ITPR2: variants seen among roughly 807,000 people sequenced by gnomAD.
The protein encoded by ITPR2 is inositol 1,4,5-trisphosphate-gated calcium channel ITPR2.
Under a neutral mutation model 317.1 loss-of-function variants are expected in ITPR2, and 207 were observed. The observed-to-expected ratio is 0.65, with a 90% CI of 0.58 to 0.73. ITPR2 has a LOEUF of 0.73. ITPR2 is among the 30% of genes least tolerant of loss of function. The pLI is 0.00. For missense variants in ITPR2, 2,613 were observed against 3,284.0 expected (o/e 0.80, Z 4.99); for synonymous variants, 1,156 against 1,149.1 (o/e 1.01, Z -0.12).
chr12:26,832,788 T>C lies in ITPR2; in HGVS notation c.-7A>G. ...TGGACATTTTCTCAGTCATGCTGCT[T>C]CATGTTCCACAGTGGACGTCCCTCT... On this transcript the variant is annotated 5_prime_UTR_variant, in exon 1 of 57. Coordinates refer to ENST00000381340, the MANE Select transcript of ITPR2 (RefSeq NM_002223.4). The C allele has an allele frequency of 6.3e-7, 1 of 1,595,848 alleles. No individual in the cohort carries two copies. Among genetic ancestry groups the C allele is most frequent in the Non-Finnish European group, 8.5e-7 (1 of 1,170,210 alleles).
intron 54 of ITPR2, among the ~76,000 whole-genome samples, chr12:26,388,094 G>GCTGAGGA (rs1346562630): frequency 6.6e-6 from 1 of 152,194 alleles, no homozygotes; most frequent in Non-Finnish European, 1.5e-5. Flanking sequence ...CCGTCCACAC[G>GCTGAGGA]CTGAGGACAG....
At chr12:26,481,648 C>T (rs1425804903) in intron 42 of ITPR2, among the ~76,000 whole-genome samples, 1 of 152,178 alleles carries the variant, frequency 6.6e-6, no homozygotes, top group Admixed American at 6.5e-5. Context: ...AGACATGTGT[C>T]CCTCATACCT....
chr12:26,650,117 T>C (rs1311047272), intron 21 of ITPR2, among the ~76,000 whole-genome samples: 1 of 152,130 alleles, frequency 6.6e-6, no homozygotes, highest in East Asian at 1.9e-4. Context: ...TGGAATTCAC[T>C]AAAAAATATG....
chr12:26,509,073 C>T (rs1172081669), intron 37 of ITPR2, among the ~76,000 whole-genome samples: 1 of 152,192 alleles, frequency 6.6e-6, no homozygotes, highest in Non-Finnish European at 1.5e-5. Flanking sequence ...GACTGAAGTG[C>T]TGACACCTGC....
At chr12:26,410,023 T>C (rs1018011138) in intron 52 of ITPR2, among the ~76,000 whole-genome samples, 29 of 152,122 alleles carry the variant, frequency 1.9e-4, no homozygotes, top group African/African-American at 6.8e-4. Flanking sequence ...GTCAGCCAAA[T>C]ATGGATCAAG....
At chr12:26,552,400 G>C (rs1427579912) in intron 36 of ITPR2, among the ~76,000 whole-genome samples, 1 of 152,054 alleles carries the variant, frequency 6.6e-6, no homozygotes, top group African/African-American at 2.4e-5. Flanking sequence ...TTGTGGCCCA[G>C]GCTGGTTTCA....
intron 55 of ITPR2, among the ~76,000 whole-genome samples, chr12:26,356,752 G>A (rs997010427): frequency 3.3e-5 from 5 of 152,128 alleles, no homozygotes; most frequent in Admixed American, 2.6e-4. Context: ...TTGCTACATT[G>A]CCCAGGCTGG....
rs1937918533 is a variant in ITPR2, at chr12:26,336,428, T to C, written c.*2969A>G. The C allele has an allele frequency of 6.6e-6, 1 of 152,226 alleles. No individual in the cohort carries two copies. The highest frequency in any genetic ancestry group is 6.5e-5 in the Admixed American group (1 of 15,284). The allele number at this position is 152,226 out of a possible 1,614,324, so 9.4% of individuals were successfully genotyped here. A position where few individuals can be genotyped will look rare whatever the true frequency, so the allele number is the denominator to read the frequency against. On this transcript the variant is annotated 3_prime_UTR_variant, in exon 57 of 57. Transcript: ENST00000381340. Reference sequence around the variant, plus strand: ...TATTAACAATCTACTAGAAATTGTGTCCTCTTTACCAACAGAAAAATATTG... The same window carrying C: ...TATTAACAATCTACTAGAAATTGTGCCCTCTTTACCAACAGAAAAATATTG...
At chr12:26,582,133 G>C (rs923413520) in intron 32 of ITPR2, among the ~76,000 whole-genome samples, 5 of 152,142 alleles carry the variant, frequency 3.3e-5, no homozygotes, top group African/African-American at 1.2e-4. Context: ...AATTTTTCAA[G>C]ATGTTTTTCC....
chr12:26,498,416 A>G (rs562579755), intron 37 of ITPR2, among the ~76,000 whole-genome samples: 8 of 152,336 alleles, frequency 5.3e-5, no homozygotes, highest in Admixed American at 2.6e-4. Context: ...TCCAAAAGGA[A>G]AGGAAAAACA....
intron 32 of ITPR2, among the ~76,000 whole-genome samples, chr12:26,595,017 C>T (rs1039364507): frequency 3.3e-5 from 5 of 152,166 alleles, no homozygotes; most frequent in Non-Finnish European, 7.3e-5. Context: ...TTTGAATAGG[C>T]AACAGCGAGC....
chr12:26,818,098 A>C (rs1334142578), intron 1 of ITPR2, among the ~76,000 whole-genome samples: 1 of 152,260 alleles, frequency 6.6e-6, no homozygotes, highest in African/African-American at 2.4e-5. Flanking sequence ...AAATATGTTT[A>C]AAACTAAATA....
At chr12:26,548,692 G>C (rs1027163886) in intron 37 of ITPR2, among the ~76,000 whole-genome samples, 1 of 152,072 alleles carries the variant, frequency 6.6e-6, no homozygotes, top group Non-Finnish European at 1.5e-5. Flanking sequence ...TGCATAAATG[G>C]GGACCCTTGG....
At chr12:26,556,772 T>TAA (rs762624049) in intron 35 of ITPR2, among the ~76,000 whole-genome samples, 1 of 94,648 alleles carries the variant, frequency 1.1e-5, no homozygotes. Context: ...GGGAACAGCT[T>TAA]AAAAAAAAAA....
intron 21 of ITPR2, among the ~76,000 whole-genome samples, chr12:26,653,236 T>C (rs1947295096): frequency 7.0e-6 from 1 of 143,758 alleles, no homozygotes; most frequent in Non-Finnish European, 1.5e-5. Flanking sequence ...TTTCCTTGAA[T>C]CTTTCTTTTT....
At chr12:26,510,412 T>C (rs920782371) in intron 37 of ITPR2, among the ~76,000 whole-genome samples, 1 of 152,190 alleles carries the variant, frequency 6.6e-6, no homozygotes. Context: ...GTAGCTTCCA[T>C]AAGAAAAGAA....
rs142206768 is a variant in ITPR2 at position 26,470,874 on chromosome 12, G to A, written c.6342+4422C>T. 8.5e-4 allele frequency among the ~76,000 whole-genome samples: 130 copies of A among 152,256 alleles called. 2 individuals are homozygous for A. The highest frequency in any genetic ancestry group is 2.8e-3 in the African/African-American group (115 of 41,560). ...AATGTATGAGGATGTTAATCATAGC[G>A]TAATTTATAATATCAAGTACATTAG... is the stretch of plus-strand genomic sequence containing the variant. On this transcript the variant is annotated intron_variant, in intron 45 of 56. Transcript: ENST00000381340.
intron 46 of ITPR2, among the ~76,000 whole-genome samples, chr12:26,439,668 G>A (rs1019361387): frequency 1.2e-4 from 19 of 152,142 alleles, no homozygotes; most frequent in Non-Finnish European, 2.1e-4. Flanking sequence ...GTGATTGGCT[G>A]GGTAGCCTTA....
At chr12:26,600,130 C>T in intron 28 of ITPR2, 21 bp from the exon 29 acceptor site, 2 of 1,595,328 alleles carry the variant, frequency 1.3e-6, no homozygotes, top group African/African-American at 2.7e-5. Flanking sequence ...AAGAATAGCA[C>T]ATGATAGAAA....
Sources: gnomAD v4.1 joint callset for allele counts (sites outside exome capture counted in the v4.1 genomes callset) on GRCh38, gnomAD v4.1.1 for gene constraint, MANE v1.5 for transcripts, NCBI Gene and HGNC (gene_info 2026-07-23, HGNC 2026-07-21) for gene names.